The following PTPRG variants were observed in gnomAD, a reference collection of about 807,000 sequenced individuals.
The protein encoded by PTPRG is receptor-type tyrosine-protein phosphatase gamma.
Under a neutral mutation model 165.3 loss-of-function variants are expected in PTPRG, and 102 were observed. The ratio of observed to expected loss-of-function variants is 0.62; its 90% confidence interval spans 0.53 to 0.73. The LOEUF is 0.73. PTPRG is among the 30% of genes least tolerant of loss of function. The pLI, the probability that PTPRG is intolerant of heterozygous loss-of-function variation, is 0.00. For synonymous variants in PTPRG, 675 were observed against 669.5 expected (o/e 1.01, Z -0.13); for missense variants, 1,866 against 1,861.4 (o/e 1.00, Z -0.05).
intron 1 of PTPRG, among the ~76,000 whole-genome samples, chr3:61,568,126 T>C (rs1258855225): frequency 6.6e-6 from 1 of 152,208 alleles, no homozygotes; most frequent in Non-Finnish European, 1.5e-5. Flanking sequence ...CTTTGACTTA[T>C]TTTTGGTATT....
intron 1 of PTPRG, among the ~76,000 whole-genome samples, chr3:61,726,933 G>C (rs1242127718): frequency 6.6e-6 from 1 of 152,008 alleles, no homozygotes; most frequent in African/African-American, 2.4e-5. Context: ...TGTAGGCCCA[G>C]CTACTCGGGA....
intron 2 of PTPRG, among the ~76,000 whole-genome samples, chr3:61,942,197 T>A (rs1236391244): frequency 6.6e-6 from 1 of 151,176 alleles, no homozygotes; most frequent in East Asian, 2.0e-4. Flanking sequence ...TTTTGCATCA[T>A]AAACAGAAAT....
At chr3:61,791,784 G>A (rs947991224) in intron 2 of PTPRG, among the ~76,000 whole-genome samples, 1 of 152,144 alleles carries the variant, frequency 6.6e-6, no homozygotes, top group Non-Finnish European at 1.5e-5. Flanking sequence ...CATCAGGCCC[G>A]GCCTGTTTCT....
intron 2 of PTPRG, among the ~76,000 whole-genome samples, chr3:61,815,992 G>A (rs2035752173): frequency 6.6e-6 from 1 of 152,176 alleles, no homozygotes; most frequent in Non-Finnish European, 1.5e-5. Context: ...TACTACAAGT[G>A]AAGATCTCTT....
chr3:62,180,780 A>G (rs576696532), intron 8 of PTPRG, among the ~76,000 whole-genome samples: 2 of 152,116 alleles, frequency 1.3e-5, no homozygotes, highest in Non-Finnish European at 2.9e-5. Context: ...TAGCTCTCAG[A>G]GGAAGAGGGA....
chr3:62,181,801 C>T (rs746082780), intron 8 of PTPRG, among the ~76,000 whole-genome samples: 3 of 152,132 alleles, frequency 2.0e-5, no homozygotes, highest in Admixed American at 6.5e-5. Flanking sequence ...CATTAAATTA[C>T]AAGATCCAGC....
At position 62,214,712 on chromosome 3, in the gene PTPRG, G is replaced by A. The variant is rs557380388; in HGVS notation, c.2156-4139G>A. Among the ~76,000 whole-genome samples, 11 of 152,290 alleles carry A rather than the reference G, an allele frequency of 7.2e-5. No homozygotes were observed. Among genetic ancestry groups the A allele is most frequent in the African/African-American group, 2.6e-4 (11 of 41,572 alleles). On this transcript the variant is annotated intron_variant, in intron 12 of 29. Coordinates refer to ENST00000474889, the MANE Select transcript of PTPRG (RefSeq NM_002841.4). This position sits in a 1 kb window ranked among gnomAD's most constrained non-coding sequence, Gnocchi z 5.2. The stretch of plus-strand genomic sequence containing the variant: ...TTGCTTGATGCCAGGCACACTTCTA[G>A]GTGCTTACATGCACCTTCTCATTGA...
At chr3:61,724,213 T>G (rs2032163555) in intron 1 of PTPRG, among the ~76,000 whole-genome samples, 1 of 13,446 alleles carries the variant, frequency 7.4e-5, no homozygotes, top group Non-Finnish European at 1.2e-4. Flanking sequence ...GAGACTCCCA[T>G]CTCCAAAAAA....
chr3:61,826,609 G>T (rs562815961), intron 2 of PTPRG, among the ~76,000 whole-genome samples: 1 of 152,184 alleles, frequency 6.6e-6, no homozygotes, highest in East Asian at 1.9e-4. Flanking sequence ...AGAATGGCCA[G>T]ATGTTTGGTG....
chr3:61,581,009 GC>G (rs1233593580), intron 1 of PTPRG, among the ~76,000 whole-genome samples: 1 of 152,188 alleles, frequency 6.6e-6, no homozygotes, highest in East Asian at 1.9e-4. Context: ...TAGCAGACAT[GC>G]CTTCTTGCTT....
chr3:61,884,240 G>T (rs1019799403), intron 2 of PTPRG, among the ~76,000 whole-genome samples: 2 of 152,134 alleles, frequency 1.3e-5, no homozygotes, highest in Non-Finnish European at 2.9e-5. Flanking sequence ...ATCAAATGCT[G>T]TAAGTGGCAG....
chr3:62,166,715 G>A (rs1705000345), intron 7 of PTPRG, among the ~76,000 whole-genome samples: 1 of 151,364 alleles, frequency 6.6e-6, no homozygotes. Context: ...TTTGAGACAG[G>A]GTCTCACTCT....
rs567982514 is a variant in PTPRG, at chr3:61,790,403, T to A, written c.190+41421T>A. Among the ~76,000 whole-genome samples, 14 of 152,276 alleles carry A rather than the reference T, an allele frequency of 9.2e-5. No homozygotes were observed. In the South Asian group the frequency reaches 2.7e-3, roughly 29 times the overall value. On this transcript the variant is annotated intron_variant, in intron 2 of 29. Coordinates refer to ENST00000474889, the MANE Select transcript of PTPRG (RefSeq NM_002841.4). ...ACAAACTTGGAATTGAACAAAAATG[T>A]TTTAGTCCAGTGGTTTGGATTAAAA...
intron 2 of PTPRG, among the ~76,000 whole-genome samples, chr3:61,985,964 C>A (rs561318265): frequency 6.6e-6 from 1 of 151,966 alleles, no homozygotes; most frequent in African/African-American, 2.4e-5. Flanking sequence ...TAGTGAAGAA[C>A]GAAAAGGAGT....
intron 6 of PTPRG, among the ~76,000 whole-genome samples, chr3:62,150,114 G>A (rs1352076642): frequency 6.6e-6 from 1 of 152,182 alleles, no homozygotes; most frequent in East Asian, 1.9e-4. Flanking sequence ...CAGTGGTCAG[G>A]ATAGGCCTCA....
chr3:61,568,115 G>T (rs1422625181), intron 1 of PTPRG, among the ~76,000 whole-genome samples: 1 of 152,144 alleles, frequency 6.6e-6, no homozygotes, highest in Non-Finnish European at 1.5e-5. Context: ...ATCGGACTTG[G>T]CTTTGACTTA....
chr3:61,952,005 C>A (rs1195354445), intron 2 of PTPRG, among the ~76,000 whole-genome samples: 1 of 150,412 alleles, frequency 6.6e-6, no homozygotes, highest in African/African-American at 2.4e-5. Flanking sequence ...GTAATCTCAG[C>A]GACTTGGGAG....
At chr3:62,205,721 G>T (rs1700212589) in intron 12 of PTPRG, among the ~76,000 whole-genome samples, 1 of 152,222 alleles carries the variant, frequency 6.6e-6, no homozygotes, top group Admixed American at 6.5e-5. Context: ...AGACCAGAGG[G>T]AGTGAGGGGG....
chr3:62,138,714 C>CAAAAAAAAAAAAAAAAAAAAAAAAAAAA (rs563632840), intron 6 of PTPRG, among the ~76,000 whole-genome samples: 1 of 91,388 alleles, frequency 1.1e-5, no homozygotes, highest in African/African-American at 4.3e-5. Context: ...GGCAAAGCTC[C>CAAAAAAAAAAAAAAAAAAAAAAAAAAAA]AAAAAAAAAA....
Sources: gnomAD v4.1 joint callset for allele counts (sites outside exome capture counted in the v4.1 genomes callset) on GRCh38, gnomAD v4.1.1 for gene constraint, Gnocchi (gnomAD v3.1) non-coding constraint, MANE v1.5 for transcripts, NCBI Gene and HGNC (gene_info 2026-07-23, HGNC 2026-07-21) for gene names.